ESRP1: variants seen among roughly 807,000 people sequenced by gnomAD.
ESRP1 encodes epithelial splicing regulatory protein 1.
A neutral mutation model predicts 81.7 loss-of-function variants in ESRP1; 33 were observed. The observed-to-expected ratio is 0.40, with a 90% confidence interval of 0.31 to 0.54. The LOEUF (loss-of-function observed/expected upper bound fraction) is 0.54. Ranked by LOEUF, ESRP1 falls within the 20% of genes least tolerant of loss-of-function variation. The probability of loss-of-function intolerance (pLI) is 0.41; values close to 1 mark genes in which losing one functional copy is unlikely to be tolerated. For synonymous variants in ESRP1, 320 were observed against 303.3 expected (o/e 1.06, Z -0.57); for missense variants, 672 against 833.1 (o/e 0.81, Z 2.38).
chr8:94,658,072 C>T (rs952085220), intron 4 of ESRP1, among the ~76,000 whole-genome samples: 1 of 152,084 alleles, frequency 6.6e-6, no homozygotes, highest in Non-Finnish European at 1.5e-5. Context: ...CCACCACATC[C>T]GGCTAATTTT....
chr8:94,686,083 C>G (rs1019746073), intron 13 of ESRP1, among the ~76,000 whole-genome samples: 7 of 152,128 alleles, frequency 4.6e-5, no homozygotes, highest in Admixed American at 2.0e-4. Context: ...GAGGCACCCA[C>G]TACCCTGGCT....
chr8:94,654,888 G>A (rs1163688039), intron 4 of ESRP1, among the ~76,000 whole-genome samples: 1 of 148,848 alleles, frequency 6.7e-6, no homozygotes. Flanking sequence ...CTGTAATCAC[G>A]CCACTGCATT....
intron 15 of ESRP1, among the ~76,000 whole-genome samples, chr8:94,701,406 A>G (rs1809834428): frequency 6.6e-6 from 1 of 152,060 alleles, no homozygotes; most frequent in Admixed American, 6.5e-5. Context: ...TGTCCCATCA[A>G]CCCAGCCAAC....
intron 15 of ESRP1, among the ~76,000 whole-genome samples, chr8:94,705,156 C>CTTTTTTTTTTTTTT (rs57801249): frequency 5.5e-5 from 5 of 90,560 alleles, no homozygotes; most frequent in Admixed American, 1.4e-4. Context: ...TGCCTTATTG[C>CTTTTTTTTTTTTTT]TTTTTTTTTT....
At chr8:94,657,988 T>C (rs983150279) in intron 4 of ESRP1, among the ~76,000 whole-genome samples, 2 of 152,180 alleles carry the variant, frequency 1.3e-5, no homozygotes, top group African/African-American at 4.8e-5. Context: ...CTCGGTTCAC[T>C]GCAACCTCTG....
chr8:94,641,551 T>C (rs902194598), intron 1 of ESRP1, 101 bp downstream of exon 1: 25 of 1,517,422 alleles, frequency 1.6e-5, no homozygotes, highest in Admixed American at 3.4e-5. Flanking sequence ...ATAAGTGCTC[T>C]TGTTTGCCCA....
chr8:94,654,709 C>T (rs1455718399), intron 4 of ESRP1, among the ~76,000 whole-genome samples: 1 of 151,892 alleles, frequency 6.6e-6, no homozygotes, highest in Admixed American at 6.6e-5. Context: ...ATCACTGGAG[C>T]CCAGAAGTTC....
intron 9 of ESRP1, among the ~76,000 whole-genome samples, chr8:94,667,343 G>A (rs1361406416): frequency 2.0e-5 from 3 of 151,426 alleles, no homozygotes. Flanking sequence ...AATGTTTTAT[G>A]TTGGGCAGAA....
intron 4 of ESRP1, among the ~76,000 whole-genome samples, chr8:94,660,670 C>T (rs555495910): frequency 1.7e-5 from 2 of 118,134 alleles, no homozygotes; most frequent in Non-Finnish European, 3.2e-5. Context: ...TGAGGTTGTG[C>T]CACTGCATTC....
At chr8:94,690,147 T>C (rs1809332593) in intron 13 of ESRP1, among the ~76,000 whole-genome samples, 1 of 149,130 alleles carries the variant, frequency 6.7e-6, no homozygotes, top group African/African-American at 2.4e-5. Context: ...GTTTGTTTGT[T>C]TTTTGTTTTT....
chr8:94,641,762 T>G, intron 1 of ESRP1, 194 bp from the exon 2 acceptor site: 1 of 707,566 alleles, frequency 1.4e-6, no homozygotes, highest in Non-Finnish European at 2.0e-6. Context: ...CTTCCAGGGC[T>G]TTTCCGACCT....
At position 94,705,943 on chromosome 8, in the gene ESRP1, T is replaced by A; in HGVS notation, c.*54T>A. On this transcript the variant is annotated 3_prime_UTR_variant, in exon 16 of 16. Coordinates refer to ENST00000433389, the MANE Select transcript of ESRP1 (RefSeq NM_017697.4). ...TTTTCAGTGTTTGAAAGATGTATGG[T>A]GATCTTGAAACCTCCAGACACAAGA... 1 of 1,525,766 alleles carries A rather than the reference T, an allele frequency of 6.6e-7. No individual in the cohort carries two copies. Among genetic ancestry groups the A allele is most frequent in the Non-Finnish European group, 8.8e-7 (1 of 1,138,580 alleles). The allele number at this position is 1,525,766 out of a possible 1,614,324, so 94.5% of individuals were successfully genotyped here. A position where few individuals can be genotyped will look rare whatever the true frequency, so the allele number is the denominator to read the frequency against.
chr8:94,664,674 C>T, intron 6 of ESRP1, 23 bp from the exon 7 acceptor site: 1 of 1,574,244 alleles, frequency 6.4e-7, no homozygotes, highest in Non-Finnish European at 8.7e-7. Context: ...ATCATGCAAC[C>T]TGAAGTTTTG....
At chr8:94,681,994 C>CAT (rs1398354911) in intron 13 of ESRP1, among the ~76,000 whole-genome samples, 4 of 152,296 alleles carry the variant, frequency 2.6e-5, no homozygotes, top group Non-Finnish European at 5.9e-5. Context: ...GAAATGAAAG[C>CAT]ATGTATGCCT....
chr8:94,663,946 C>T (rs1818885306), intron 6 of ESRP1, among the ~76,000 whole-genome samples: 1 of 152,152 alleles, frequency 6.6e-6, no homozygotes, highest in African/African-American at 2.4e-5. Flanking sequence ...CTACCATGCA[C>T]ACACATTCCT....
Position 94,662,351 on chromosome 8 carries a change from A to G in ESRP1, c.570A>G (p.Ala190=). ...AAGATATGGGGAATATAATTTTAGC[A>G]ATGATTTCAGAGCCTTATAGTAAGT... ...QVEDMGNIIL[A]MISEPYNHRF... Residue 190 remains alanine, a synonymous_variant, in exon 5 of 16, where the codon GCA becomes GCG. Coordinates refer to ENST00000433389, the MANE Select transcript of ESRP1 (RefSeq NM_017697.4). The G allele has an allele frequency of 6.3e-7, 1 of 1,581,196 alleles. No homozygotes were observed. The highest frequency in any genetic ancestry group is 8.6e-7 in the Non-Finnish European group (1 of 1,161,726).
intron 15 of ESRP1, among the ~76,000 whole-genome samples, chr8:94,699,414 G>A (rs1375527178): frequency 6.6e-6 from 1 of 151,922 alleles, no homozygotes; most frequent in Non-Finnish European, 1.5e-5. Context: ...ACTCAGGTGG[G>A]CAGATCACTT....
intron 10 of ESRP1, among the ~76,000 whole-genome samples, chr8:94,668,808 T>TGTGTGTGTGTGTGTG (rs56799877): frequency 4.6e-5 from 7 of 151,290 alleles, no homozygotes; most frequent in Admixed American, 6.6e-5. Flanking sequence ...TGTGTGTGTG[T>TGTGTGTGTGTGTGTG]TTGAGATGGG....
chr8:94,704,755 C>G (rs1261703951), intron 15 of ESRP1, among the ~76,000 whole-genome samples: 2 of 114,572 alleles, frequency 1.7e-5, no homozygotes, highest in South Asian at 6.9e-4. Flanking sequence ...TGCAAGGCAC[C>G]ATCTCTTTTT....
Sources: gnomAD v4.1 joint callset for allele counts (sites outside exome capture counted in the v4.1 genomes callset) on GRCh38, gnomAD v4.1.1 for gene constraint, MANE v1.5 for transcripts, NCBI Gene and HGNC (gene_info 2026-07-23, HGNC 2026-07-21) for gene names.